Variants in PIEZO2 observed in about 807,000 individuals in gnomAD.
The protein encoded by PIEZO2 is piezo-type mechanosensitive ion channel component 2.
In PIEZO2, 172 loss-of-function variants were observed where a neutral mutation model predicts 337.3. The observed-to-expected ratio is 0.51, with a 90% CI of 0.45 to 0.58. PIEZO2 has a LOEUF of 0.58. Ranked by LOEUF, PIEZO2 falls within the 20% of genes least tolerant of loss-of-function variation. The pLI is 0.00. For synonymous variants in PIEZO2, 1,251 were observed against 1,228.5 expected (o/e 1.02, Z -0.38); for missense variants, 3,028 against 3,391.3 (o/e 0.89, Z 2.66).
At position 11,065,326 on chromosome 18, in the gene PIEZO2, C is replaced by T. The variant is rs142392080; in HGVS notation, c.160+801G>A. On this transcript the variant is annotated intron_variant, in intron 2 of 55. Transcript: ENST00000674853. ...TTCCTTTTCCTTTCATGTAAACATA[C>T]GGCCATTGCACTCACCTACAACATT... Among the ~76,000 whole-genome samples, 13 of 152,284 alleles carry T rather than the reference C, an allele frequency of 8.5e-5. No individual in the cohort carries two copies. In the South Asian group the frequency reaches 1.0e-3, roughly 12 times the overall value.
At chr18:10,770,033 T>G (rs527927642) in intron 21 of PIEZO2, 115 bp downstream of exon 21, 1 of 1,148,940 alleles carries the variant, frequency 8.7e-7, no homozygotes, top group East Asian at 2.6e-5. Flanking sequence ...TCTTGGAGTC[T>G]TGATACTCCG....
intron 3 of PIEZO2, among the ~76,000 whole-genome samples, chr18:10,965,585 T>C (rs2033964709): frequency 6.6e-6 from 1 of 152,188 alleles, no homozygotes; most frequent in Non-Finnish European, 1.5e-5. Flanking sequence ...TGATGAACAA[T>C]ATGGTACAGT....
chr18:10,726,604 GTGCGGGACGCCGACGTGCGCTGGGAGT>G lies in PIEZO2; in HGVS notation c.5029+4776_5029+4802del, dbSNP rs1241208020. 1.5e-6 allele frequency: 2 copies of G among 1,341,564 alleles called. No homozygotes were observed. The highest frequency in any genetic ancestry group is 2.0e-6 in the Non-Finnish European group (2 of 1,018,750). The allele number at this position is 1,341,564 out of a possible 1,614,324, so 83.1% of individuals were successfully genotyped here. ...GCTCTTCCAGGACCTGGCGCGCTAC[GTGCGGGACGCCGACGTGCGCTGGGAGT>G]ACTGCGCGCGCGCCAAGCGCGGCCA... is the stretch of plus-strand genomic sequence containing the variant. On this transcript the variant is annotated intron_variant, in intron 36 of 55. Transcript: ENST00000674853. This position sits in a 1 kb window ranked among gnomAD's most constrained non-coding sequence, Gnocchi z 5.9.
In PIEZO2 at chr18:10,979,563, A is replaced by T. The variant is rs760643853; in HGVS notation, c.258T>A (p.Ala86=). The change falls in exon 3 of 56, where the codon GCT becomes GCA. Residue 86 remains alanine, a synonymous_variant. Coordinates refer to ENST00000674853, the MANE Select transcript of PIEZO2 (RefSeq NM_001378183.1). This position sits in a 1 kb window ranked among gnomAD's most constrained non-coding sequence, Gnocchi z 4.0. ...IFHITLVSLE[A]QHRIAPGYNC... ...TGTAGCCAGGTGCAATACGATGTTG[A>T]GCTTCAAGGCTCACCAACGTGATGT... 3 of 1,534,140 alleles carry T rather than the reference A, an allele frequency of 2.0e-6. No individual in the cohort carries two copies. In the South Asian group the frequency reaches 3.6e-5, roughly 18 times the overall value.
At chr18:10,703,505 A>T (rs1034534801) in intron 42 of PIEZO2, among the ~76,000 whole-genome samples, 3 of 152,238 alleles carry the variant, frequency 2.0e-5, no homozygotes, top group African/African-American at 7.2e-5. Flanking sequence ...CTTACAACCT[A>T]CAAAACTTCT....
chr18:10,845,077 A>G (rs2041313199), intron 7 of PIEZO2, among the ~76,000 whole-genome samples: 1 of 152,166 alleles, frequency 6.6e-6, no homozygotes, highest in Non-Finnish European at 1.5e-5. Flanking sequence ...AATGTATTTA[A>G]CAAATACCTC....
At chr18:11,023,134 C>T (rs2036376809) in intron 2 of PIEZO2, among the ~76,000 whole-genome samples, 1 of 152,086 alleles carries the variant, frequency 6.6e-6, no homozygotes, top group South Asian at 2.1e-4. Flanking sequence ...AGATTTACTG[C>T]AAAGAGTGAA....
At position 10,677,355 on chromosome 18, in the gene PIEZO2, G is replaced by T. The variant is rs1598343662; in HGVS notation, c.8081+392C>A. 6.6e-6 allele frequency among the ~76,000 whole-genome samples: 1 copy of T among 152,096 alleles called. No homozygotes were observed. Among genetic ancestry groups the T allele is most frequent in the African/African-American group, 2.4e-5 (1 of 41,406 alleles). On this transcript the variant is annotated intron_variant, in intron 53 of 55. Transcript: ENST00000674853. The surrounding 1 kb of genome is among the most constrained non-coding windows in gnomAD (Gnocchi z 4.1). ...GCCTCAGGCTCCCAAGTAGCTGGGA[G>T]TACAGATGTGCACCACCACGCTTAG...
intron 2 of PIEZO2, among the ~76,000 whole-genome samples, chr18:11,037,774 A>G (rs1031292315): frequency 9.9e-5 from 15 of 152,242 alleles, no homozygotes; most frequent in African/African-American, 3.6e-4. Flanking sequence ...AAAACAAAGA[A>G]AAGCCTGCTG....
chr18:11,119,751 C>T (rs904071421), intron 1 of PIEZO2, among the ~76,000 whole-genome samples: 4 of 152,252 alleles, frequency 2.6e-5, no homozygotes, highest in African/African-American at 9.6e-5. Flanking sequence ...AGTGCCAGAT[C>T]ACACTAGAGG....
chr18:11,026,424 CT>C (rs1292574359), intron 2 of PIEZO2, among the ~76,000 whole-genome samples: 1 of 152,154 alleles, frequency 6.6e-6, no homozygotes, highest in Non-Finnish European at 1.5e-5. Context: ...CCTTCTGTGA[CT>C]TCCCCGTTCC....
In PIEZO2 at chr18:11,086,758, G is replaced by GTT. The variant is rs11373960; in HGVS notation, c.65-20538_65-20537dup. The stretch of plus-strand genomic sequence containing the variant: ...AAAAGAGACACATAAATAATTTCGG[G>GTT]TTTTTTTTTTTAACAGGAAGAGGAG... On this transcript the variant is annotated intron_variant, in intron 1 of 55. Coordinates refer to ENST00000674853, the MANE Select transcript of PIEZO2 (RefSeq NM_001378183.1). Among the ~76,000 whole-genome samples the GTT allele has an allele frequency of 8.7e-4, 130 of 149,600 alleles. 2 individuals carry two copies. The South Asian group carries it at 0.022, about 25-fold the overall frequency.
chr18:11,040,406 C>G (rs990194245), intron 2 of PIEZO2, among the ~76,000 whole-genome samples: 1 of 152,076 alleles, frequency 6.6e-6, no homozygotes, highest in African/African-American at 2.4e-5. Context: ...GAGGTAATGA[C>G]TAAATTGATC....
Position 10,671,422 on chromosome 18 carries a change from A to G in PIEZO2, c.*105T>C. On this transcript the variant is annotated 3_prime_UTR_variant, in exon 56 of 56. Transcript: ENST00000674853. Reference sequence around the variant, plus strand: ...CTTTTGTCTACCTATCAGAAGAGAAACAAACCATTTCCGTCGAACTAGAAA... The same window carrying G: ...CTTTTGTCTACCTATCAGAAGAGAAGCAAACCATTTCCGTCGAACTAGAAA... 3.9e-6 allele frequency: 5 copies of G among 1,278,028 alleles called. No homozygotes were observed. Among genetic ancestry groups the G allele is most frequent in the Admixed American group, 5.7e-5 (2 of 35,278 alleles). 79.2% of individuals were successfully genotyped at this position (1,278,028 alleles called of 1,614,324 possible).
At chr18:11,011,990 T>G (rs1263976426) in intron 2 of PIEZO2, among the ~76,000 whole-genome samples, 2 of 152,182 alleles carry the variant, frequency 1.3e-5, no homozygotes, top group Non-Finnish European at 2.9e-5. Context: ...CTAAAAAGAA[T>G]TTTTAAAAAT....
intron 5 of PIEZO2, 75 bp downstream of exon 5, chr18:10,871,178 A>T: frequency 1.4e-6 from 2 of 1,383,834 alleles, no homozygotes; most frequent in Non-Finnish European, 1.9e-6. Flanking sequence ...AGCTGTTATT[A>T]TCATAGTTCT....
At chr18:10,874,775 C>T (rs1486224094) in intron 4 of PIEZO2, among the ~76,000 whole-genome samples, 1 of 151,972 alleles carries the variant, frequency 6.6e-6, no homozygotes, top group Admixed American at 6.6e-5. Flanking sequence ...CTCATAGAGG[C>T]AGAGAATACA....
At chr18:11,039,744 A>G (rs2037047870) in intron 2 of PIEZO2, among the ~76,000 whole-genome samples, 1 of 103,212 alleles carries the variant, frequency 9.7e-6, no homozygotes, top group African/African-American at 3.8e-5. Context: ...TCTATTTTAA[A>G]TAGGCACACA....
chr18:10,997,330 C>T (rs147763099), intron 2 of PIEZO2, among the ~76,000 whole-genome samples: 18 of 150,932 alleles, frequency 1.2e-4, no homozygotes, highest in Non-Finnish European at 2.2e-4. Flanking sequence ...AGTCACATAA[C>T]GTAATATTCA....
Sources: allele counts gnomAD v4.1 joint callset (sites outside exome capture counted in the v4.1 genomes callset), GRCh38; gene constraint gnomAD v4.1.1; non-coding constraint Gnocchi (gnomAD v3.1); transcripts MANE v1.5; gene names NCBI Gene and HGNC (gene_info 2026-07-23, HGNC 2026-07-21).